THRAP3: variants seen among roughly 807,000 people sequenced by gnomAD.
The protein encoded by THRAP3 is thyroid hormone receptor associated protein 3.
In THRAP3, 16 loss-of-function variants were observed where a neutral mutation model predicts 101.0. The ratio of observed to expected loss-of-function variants is 0.16; its 90% CI spans 0.11 to 0.24. The LOEUF (loss-of-function observed/expected upper bound fraction) is 0.24. Among genes scored for constraint, THRAP3 ranks in the 10% least tolerant of loss-of-function variants. The pLI is 1.00. For missense variants in THRAP3, 989 were observed against 1,202.7 expected, an observed-to-expected ratio of 0.82 and a Z score of 2.63; for synonymous variants, 407 against 422.6, an observed-to-expected ratio of 0.96 and a Z score of 0.45.
intron 4 of THRAP3, chr1:36,287,536 T>G: frequency 1.0e-6 from 1 of 985,456 alleles, no homozygotes; most frequent in South Asian, 4.7e-5. Flanking sequence ...TTGCCTTGGA[T>G]TCTACCAATG....
chr1:36,293,686 A>G (rs866288192), intron 7 of THRAP3, among the ~76,000 whole-genome samples, 165 bp from the exon 8 acceptor site: 1,233 of 36,844 alleles, frequency 0.033, 8 homozygotes, highest in South Asian at 0.069. Flanking sequence ...GTGTCTGCCT[A>G]TGGGAGAGTA....
chr1:36,208,613 C>A, the THRAP3 span, among the ~76,000 whole-genome samples: 1 of 152,172 alleles, frequency 6.6e-6, no homozygotes, highest in African/African-American at 2.4e-5. Context: ...TAGTAATATT[C>A]TCTTTTTATT....
At chr1:36,289,980 T>C (rs1372062109) in intron 5 of THRAP3, among the ~76,000 whole-genome samples, 2 of 152,154 alleles carry the variant, frequency 1.3e-5, no homozygotes, top group Admixed American at 6.5e-5. Flanking sequence ...GAAGTATCTC[T>C]TCAGTCCTTA....
chr1:36,252,625 A>G (rs1450202636), intron 1 of THRAP3, among the ~76,000 whole-genome samples: 1 of 152,008 alleles, frequency 6.6e-6, no homozygotes, highest in Non-Finnish European at 1.5e-5. Flanking sequence ...TACAATAATC[A>G]GGCTAGGCAC....
intron 1 of THRAP3, 82 bp from the exon 2 acceptor site, chr1:36,259,300 T>C (rs1645414198): frequency 2.5e-6 from 1 of 395,762 alleles, no homozygotes; most frequent in Non-Finnish European, 4.5e-6. Flanking sequence ...AAGTAGGGTT[T>C]GTGTTTATAG....
chr1:36,299,354 G>A (rs903004855), intron 9 of THRAP3, among the ~76,000 whole-genome samples: 2 of 151,760 alleles, frequency 1.3e-5, no homozygotes, highest in East Asian at 2.0e-4. Context: ...CGGGAGAATC[G>A]TTTAAACCCA....
At chr1:36,238,551 G>A (rs913951816) in intron 1 of THRAP3, among the ~76,000 whole-genome samples, 1 of 152,124 alleles carries the variant, frequency 6.6e-6, no homozygotes, top group East Asian at 1.9e-4. Context: ...AGCTTGTTTA[G>A]TGTCTATTTT....
At chr1:36,211,777 G>A in the THRAP3 span, among the ~76,000 whole-genome samples, 1 of 152,156 alleles carries the variant, frequency 6.6e-6, no homozygotes, top group Admixed American at 6.5e-5. Flanking sequence ...TGGAGGTGAC[G>A]CCCCCTTGGT....
At chr1:36,281,669 G>A (rs777273049) in intron 2 of THRAP3, among the ~76,000 whole-genome samples, 6 of 150,152 alleles carry the variant, frequency 4.0e-5, no homozygotes, top group Non-Finnish European at 8.9e-5. Context: ...ATCTTCCTAT[G>A]TTGCTTAGGC....
intron 2 of THRAP3, among the ~76,000 whole-genome samples, chr1:36,262,786 A>AT (rs1256357626): frequency 4.6e-5 from 6 of 130,528 alleles, no homozygotes; most frequent in Admixed American, 7.6e-5. Context: ...ATTTTATTTT[A>AT]TTTATTTATT....
At chr1:36,225,650 T>C (rs1644953813) in intron 1 of THRAP3, among the ~76,000 whole-genome samples, 1 of 152,220 alleles carries the variant, frequency 6.6e-6, no homozygotes, top group Non-Finnish European at 1.5e-5. Flanking sequence ...CTGACTTTTT[T>C]CGTTTGTGGA....
chr1:36,220,972 A>AAAAAAAATATATATATAT (rs1285765741), upstream of THRAP3, among the ~76,000 whole-genome samples: 1 of 94,124 alleles, frequency 1.1e-5, no homozygotes, highest in African/African-American at 4.7e-5. Context: ...AAAAAAAAAA[A>AAAAAAAATATATATATAT]ATATATATAT....
At chr1:36,229,307 A>T (rs550772575) in intron 1 of THRAP3, among the ~76,000 whole-genome samples, 1 of 151,820 alleles carries the variant, frequency 6.6e-6, no homozygotes, top group African/African-American at 2.4e-5. Flanking sequence ...CGTGTTAGCC[A>T]AGATGGTCTC....
At chr1:36,219,998 A>T (rs1315286408), upstream of THRAP3, among the ~76,000 whole-genome samples, 1 of 152,194 alleles carries the variant, frequency 6.6e-6, no homozygotes, top group African/African-American at 2.4e-5. Context: ...GGATGACAGA[A>T]CTTTTTTCTT....
intron 9 of THRAP3, among the ~76,000 whole-genome samples, chr1:36,300,637 T>G (rs1342605214): frequency 2.6e-5 from 4 of 152,210 alleles, no homozygotes; most frequent in Admixed American, 6.5e-5. Flanking sequence ...GTTTTGTTCC[T>G]GCTTCTATGT....
chr1:36,243,555 C>G (rs1645190295), intron 1 of THRAP3, among the ~76,000 whole-genome samples: 1 of 152,202 alleles, frequency 6.6e-6, no homozygotes, highest in Non-Finnish European at 1.5e-5. Flanking sequence ...AGAAGAACTT[C>G]TCTTAGCACA....
At chr1:36,297,171 G>A (rs913445586) in intron 9 of THRAP3, among the ~76,000 whole-genome samples, 6 of 152,256 alleles carry the variant, frequency 3.9e-5, no homozygotes, top group African/African-American at 1.4e-4. Flanking sequence ...AAACAGGGTG[G>A]AACTAGATAG....
intron 1 of THRAP3, among the ~76,000 whole-genome samples, chr1:36,229,633 T>TTTTG (rs957411517): frequency 3.6e-4 from 54 of 150,770 alleles, no homozygotes; most frequent in African/African-American, 1.3e-3. Flanking sequence ...AAATGGAGCT[T>TTTTG]TTTGTTTGTT....
intron 9 of THRAP3, among the ~76,000 whole-genome samples, chr1:36,298,655 A>G (rs1014020584): frequency 2.6e-5 from 4 of 152,016 alleles, no homozygotes; most frequent in African/African-American, 9.7e-5. Flanking sequence ...ATGCACCATG[A>G]TGCCCGGCTA....
Sources: allele counts gnomAD v4.1 joint callset (sites outside exome capture counted in the v4.1 genomes callset), GRCh38; gene constraint gnomAD v4.1.1; transcripts MANE v1.5; gene names NCBI Gene and HGNC (gene_info 2026-07-23, HGNC 2026-07-21).